Variants in PCDH7 observed in about 807,000 individuals in gnomAD.
PCDH7 encodes protocadherin-7.
Under a neutral mutation model 58.9 loss-of-function variants are expected in PCDH7, and 17 were observed. That is an observed-to-expected ratio of 0.29 (90% CI 0.20 to 0.43). PCDH7 has a LOEUF of 0.43. Among genes scored for constraint, PCDH7 ranks in the 20% least tolerant of loss-of-function variants. The pLI is 1.00. For missense variants in PCDH7, 1,274 were observed against 1,441.0 expected (o/e 0.88, Z 1.88); for synonymous variants, 664 against 616.4 (o/e 1.08, Z -1.14).
intron 1 of PCDH7, among the ~76,000 whole-genome samples, chr4:30,777,483 G>A (rs1367903026): frequency 2.0e-5 from 3 of 152,002 alleles, no homozygotes; most frequent in Non-Finnish European, 2.9e-5. Flanking sequence ...TATCATTTAC[G>A]TCCTATGAAT....
chr4:30,952,155 C>T (rs1471036268), intron 3 of PCDH7, among the ~76,000 whole-genome samples: 1 of 152,030 alleles, frequency 6.6e-6, no homozygotes, highest in Admixed American at 6.6e-5. Flanking sequence ...TAATTTAGGA[C>T]CTGTAACTAC....
At chr4:30,927,623 C>G (rs939625321) in intron 2 of PCDH7, among the ~76,000 whole-genome samples, 1 of 152,058 alleles carries the variant, frequency 6.6e-6, no homozygotes, top group Middle Eastern at 3.2e-3. Context: ...AAGGGCGGTG[C>G]AAGATGTGCT....
intron 1 of PCDH7, among the ~76,000 whole-genome samples, chr4:30,792,466 G>T (rs538822100): frequency 6.6e-6 from 1 of 152,190 alleles, no homozygotes; most frequent in East Asian, 1.9e-4. Flanking sequence ...TTATGGAAGG[G>T]CTGGCTACTC....
At chr4:30,878,426 A>G (rs1350796813) in intron 1 of PCDH7, among the ~76,000 whole-genome samples, 2 of 152,098 alleles carry the variant, frequency 1.3e-5, no homozygotes, top group African/African-American at 4.8e-5. Flanking sequence ...GAGTTCTTGT[A>G]CTAGGAGGGA....
chr4:30,893,636 T>C (rs1371641398), intron 1 of PCDH7, among the ~76,000 whole-genome samples: 4 of 152,096 alleles, frequency 2.6e-5, no homozygotes, highest in African/African-American at 9.6e-5. Flanking sequence ...TCTCCTAGTG[T>C]TATGGCTTAT....
At chr4:31,136,685 G>A (rs886193447) in intron 3 of PCDH7, among the ~76,000 whole-genome samples, 1 of 152,104 alleles carries the variant, frequency 6.6e-6, no homozygotes, top group African/African-American at 2.4e-5. Flanking sequence ...CAAACTGCTG[G>A]TCTGAGTCAG....
At chr4:30,727,420 C>T (rs541114749) in intron 1 of PCDH7, among the ~76,000 whole-genome samples, 24 of 152,062 alleles carry the variant, frequency 1.6e-4, no homozygotes, top group Non-Finnish European at 3.4e-4. Flanking sequence ...CCATTCAAAT[C>T]AAGCTTCTAT....
intron 1 of PCDH7, among the ~76,000 whole-genome samples, chr4:30,803,655 C>T (rs540177622): frequency 6.6e-6 from 1 of 152,120 alleles, no homozygotes; most frequent in Admixed American, 6.5e-5. Context: ...CCCAGGCTGG[C>T]CTTGAACTCT....
intron 3 of PCDH7, among the ~76,000 whole-genome samples, chr4:30,991,828 A>G (rs180908037): frequency 6.6e-6 from 1 of 152,260 alleles, no homozygotes; most frequent in Non-Finnish European, 1.5e-5. Flanking sequence ...TTTATGTATT[A>G]AATAGATATA....
intron 3 of PCDH7, among the ~76,000 whole-genome samples, chr4:31,029,223 C>T (rs891198957): frequency 6.6e-6 from 1 of 152,092 alleles, no homozygotes; most frequent in African/African-American, 2.4e-5. Context: ...CAACTGTAAC[C>T]AAATTAAAGG....
intron 3 of PCDH7, among the ~76,000 whole-genome samples, chr4:31,095,220 GGT>G (rs999730809): frequency 6.6e-6 from 1 of 151,716 alleles, no homozygotes; most frequent in Non-Finnish European, 1.5e-5. Flanking sequence ...TTGGTTCTAT[GGT>G]AGATTTTGTA....
At chr4:31,132,120 T>A (rs937687271) in intron 3 of PCDH7, among the ~76,000 whole-genome samples, 2 of 152,202 alleles carry the variant, frequency 1.3e-5, no homozygotes, top group African/African-American at 4.8e-5. Context: ...ACAACTGAAT[T>A]AATTCGATTT....
At chr4:30,752,348 G>A (rs145606438) in intron 1 of PCDH7, among the ~76,000 whole-genome samples, 3 of 152,200 alleles carry the variant, frequency 2.0e-5, no homozygotes, top group Non-Finnish European at 4.4e-5. Context: ...TGGTCAGGCT[G>A]GTCCTTCTTG....
intron 1 of PCDH7, among the ~76,000 whole-genome samples, chr4:30,913,527 G>T (rs114600205): frequency 6.6e-6 from 1 of 152,024 alleles, no homozygotes; most frequent in Non-Finnish European, 1.5e-5. Context: ...TGAAAAAAAG[G>T]TACAGTTTTT....
chr4:30,779,496 AGGTTTTTGAAGCT>A (rs1191357568), intron 1 of PCDH7, among the ~76,000 whole-genome samples: 2 of 152,236 alleles, frequency 1.3e-5, no homozygotes, highest in Non-Finnish European at 2.9e-5. Flanking sequence ...CAGAAAGCAT[AGGTTTTTGAAGCT>A]GGTAAACCAC....
At chr4:30,725,330 AT>A (rs1314066491) in intron 1 of PCDH7, 1 of 975,580 alleles carries the variant, frequency 1.0e-6, no homozygotes, top group Non-Finnish European at 1.2e-6. Context: ...TGCATGAGCC[AT>A]TTATTATTTA....
At chr4:30,929,348 G>A (rs878921312) in intron 2 of PCDH7, among the ~76,000 whole-genome samples, 2 of 152,218 alleles carry the variant, frequency 1.3e-5, no homozygotes, top group Admixed American at 1.3e-4. Context: ...ATAGACAATA[G>A]GTTGCTTTGT....
At chr4:31,044,029 G>A (rs762837243) in intron 3 of PCDH7, among the ~76,000 whole-genome samples, 4 of 152,126 alleles carry the variant, frequency 2.6e-5, no homozygotes, top group Non-Finnish European at 5.9e-5. Flanking sequence ...AGAGAAGATG[G>A]CAGCTTCTGG....
At chr4:30,785,079 A>T (rs904007414) in intron 1 of PCDH7, among the ~76,000 whole-genome samples, 1 of 152,060 alleles carries the variant, frequency 6.6e-6, no homozygotes, top group Non-Finnish European at 1.5e-5. Context: ...TTGCCTTCAT[A>T]GACCACATGG....
Sources: allele counts gnomAD v4.1 joint callset (sites outside exome capture counted in the v4.1 genomes callset), GRCh38; gene constraint gnomAD v4.1.1; transcripts MANE v1.5; gene names NCBI Gene and HGNC (gene_info 2026-07-23, HGNC 2026-07-21).